CCSER2: variants seen among roughly 807,000 people sequenced by gnomAD.
CCSER2 encodes the protein serine-rich coiled-coil domain-containing protein 2.
CCSER2 carries 46 observed loss-of-function variants against 92.3 expected under a neutral mutation model. The observed-to-expected ratio is 0.50, with a 90% confidence interval of 0.39 to 0.64. The LOEUF (loss-of-function observed/expected upper bound fraction) is 0.64. Among genes scored for constraint, CCSER2 ranks in the 30% least tolerant of loss-of-function variants. The pLI, the probability that CCSER2 is intolerant of heterozygous loss-of-function variation, is 0.00. For synonymous variants in CCSER2, 433 were observed against 431.4 expected (o/e 1.00, Z -0.04); for missense variants, 1,244 against 1,238.9 (o/e 1.00, Z -0.06).
chr10:84,422,319 G>A (rs1406967972), intron 4 of CCSER2, among the ~76,000 whole-genome samples: 1 of 152,200 alleles, frequency 6.6e-6, no homozygotes, highest in Admixed American at 6.5e-5. Flanking sequence ...GACCCTGAGT[G>A]TAAGCTAACA....
At chr10:84,484,149 A>AT (rs1246015874) in intron 9 of CCSER2, among the ~76,000 whole-genome samples, 6 of 149,616 alleles carry the variant, frequency 4.0e-5, no homozygotes, top group South Asian at 4.2e-4. Flanking sequence ...AATTTTTTGT[A>AT]TTTTTTTTAG....
At chr10:84,480,752 A>G (rs1013889572) in intron 9 of CCSER2, among the ~76,000 whole-genome samples, 1 of 152,186 alleles carries the variant, frequency 6.6e-6, no homozygotes, top group African/African-American at 2.4e-5. Flanking sequence ...AACATTTTAT[A>G]TATGGTCTTC....
At chr10:84,330,398 G>C (rs147723842) in intron 1 of CCSER2, among the ~76,000 whole-genome samples, 28 of 152,254 alleles carry the variant, frequency 1.8e-4, no homozygotes, top group Middle Eastern at 3.4e-3. Context: ...CACTTCTGAG[G>C]CTTGTCTAGA....
At chr10:84,429,836 G>A (rs1370171084) in intron 5 of CCSER2, among the ~76,000 whole-genome samples, 1 of 150,476 alleles carries the variant, frequency 6.6e-6, no homozygotes, top group Non-Finnish European at 1.5e-5. Flanking sequence ...CTACGGGAAT[G>A]TATGAGCATC....
At position 84,330,587 on chromosome 10, in the gene CCSER2, AC is replaced by A. The variant is rs749978158; in HGVS notation, c.-40+1780del. Among the ~76,000 whole-genome samples, 107 of 152,252 alleles carry A rather than the reference AC, an allele frequency of 7.0e-4. 1 individual carries two copies. Among genetic ancestry groups the A allele is most frequent in the Non-Finnish European group, 1.3e-4 (9 of 68,020 alleles). On this transcript the variant is annotated intron_variant, in intron 1 of 9. Coordinates refer to ENST00000372088, the MANE Select transcript of CCSER2 (RefSeq NM_001284240.2). ...GAGTGCAATGGCCTCATCTCGGCTC[AC>A]TGCAACTTCTGCTTCCTGGGTTCAT... is the stretch of plus-strand genomic sequence containing the variant.
chr10:84,457,801 G>T (rs1044938309), intron 6 of CCSER2, among the ~76,000 whole-genome samples: 2 of 149,788 alleles, frequency 1.3e-5, no homozygotes, highest in Non-Finnish European at 3.0e-5. Context: ...GAGTGCAGTG[G>T]TGTGATCTAG....
Position 84,477,656 on chromosome 10 carries a change from C to T in CCSER2, c.2317C>T (p.Arg773Ter), listed in dbSNP as rs1180692376. The T allele has an allele frequency of 1.3e-6, 2 of 1,586,168 alleles. No individual in the cohort carries two copies. Among genetic ancestry groups the T allele is most frequent in the African/African-American group, 1.3e-5 (1 of 74,352 alleles). Reference sequence around the variant, plus strand: ...TAAATATACCCAAACACCCTGGAGACGAATTCCTGTAAGTAACATTTGCTC... The same window carrying T: ...TAAATATACCCAAACACCCTGGAGATGAATTCCTGTAAGTAACATTTGCTC... The part of the protein sequence containing the change: ...ADKYTQTPWR[R>*]IPPQVLQPSS... Residue 773 changes from arginine (R) to a stop codon, truncating the protein, a stop_gained, in exon 9 of 10, where the codon CGA (arginine) becomes TGA (stop). Coordinates refer to ENST00000372088, the MANE Select transcript of CCSER2 (RefSeq NM_001284240.2). LOFTEE classifies it high-confidence loss of function.
chr10:84,373,940 A>G, intron 3 of CCSER2, 125 bp downstream of exon 3: 1 of 1,500,816 alleles, frequency 6.7e-7, no homozygotes, highest in Non-Finnish European at 8.9e-7. Context: ...GGAAATTCAT[A>G]TTTGTTAAGA....
intron 3 of CCSER2, among the ~76,000 whole-genome samples, chr10:84,385,786 A>C (rs1314841531): frequency 1.3e-5 from 2 of 152,320 alleles, no homozygotes; most frequent in African/African-American, 4.8e-5. Context: ...CAGAAGAAAC[A>C]ACAGAGTAAA....
chr10:84,409,693 G>C (rs1842551431), intron 3 of CCSER2, among the ~76,000 whole-genome samples: 1 of 151,866 alleles, frequency 6.6e-6, no homozygotes, highest in African/African-American at 2.4e-5. Flanking sequence ...TATGTTTGTT[G>C]TCTTGATTTT....
intron 9 of CCSER2, among the ~76,000 whole-genome samples, chr10:84,482,261 C>G (rs571068248): frequency 9.8e-4 from 149 of 152,190 alleles, no homozygotes; most frequent in Admixed American, 3.0e-3. Flanking sequence ...TTTTTCTTAT[C>G]TGAGGGGCAA....
chr10:84,449,854 A>AAAAC (rs923142908), intron 6 of CCSER2, among the ~76,000 whole-genome samples: 2 of 152,218 alleles, frequency 1.3e-5, no homozygotes, highest in African/African-American at 2.4e-5. Flanking sequence ...TCTCAAAAAC[A>AAAAC]AAACAAACAA....
intron 6 of CCSER2, among the ~76,000 whole-genome samples, chr10:84,450,077 A>C (rs1293100412): frequency 1.3e-5 from 2 of 152,242 alleles, no homozygotes. Flanking sequence ...TTAATTGCTC[A>C]CAATTTTATG....
At chr10:84,390,481 T>C (rs1841459493) in intron 3 of CCSER2, among the ~76,000 whole-genome samples, 1 of 152,188 alleles carries the variant, frequency 6.6e-6, no homozygotes. Context: ...CTGTAGGCAA[T>C]TGTAACAATA....
At chr10:84,349,240 G>T (rs779517666) in intron 1 of CCSER2, among the ~76,000 whole-genome samples, 1 of 152,122 alleles carries the variant, frequency 6.6e-6, no homozygotes, top group Non-Finnish European at 1.5e-5. Flanking sequence ...AAACCTTCCT[G>T]TCGCAGAAAA....
chr10:84,499,773 T>C (rs1589822602), intron 9 of CCSER2: 1 of 1,103,586 alleles, frequency 9.1e-7, no homozygotes, highest in Non-Finnish European at 1.3e-6. Flanking sequence ...GTTAACACTA[T>C]TGCTCTGTGT....
intron 7 of CCSER2, 72 bp downstream of exon 7, chr10:84,464,088 G>T: frequency 1.3e-6 from 1 of 761,198 alleles, no homozygotes; most frequent in Non-Finnish European, 2.2e-6. Flanking sequence ...CAATGACAAT[G>T]AAAACAATAA....
chr10:84,349,006 A>G (rs577878819), intron 1 of CCSER2, among the ~76,000 whole-genome samples: 8 of 152,188 alleles, frequency 5.3e-5, no homozygotes, highest in Non-Finnish European at 8.8e-5. Flanking sequence ...GGACTTCACT[A>G]AATTTAACAT....
rs984776187 is a variant in CCSER2, at chr10:84,363,775, G to A, written c.-39-7239G>A. The stretch of plus-strand genomic sequence containing the variant: ...CCATTCAGTCCCTTCCTTCATTCTT[G>A]TCCCTTGTTGTTAGTAGGCTTCTCA... On this transcript the variant is annotated intron_variant, in intron 1 of 9. Coordinates refer to ENST00000372088, the MANE Select transcript of CCSER2 (RefSeq NM_001284240.2). 3.9e-5 allele frequency among the ~76,000 whole-genome samples: 6 copies of A among 152,166 alleles called. No homozygotes were observed. In the East Asian group the frequency reaches 1.2e-3, roughly 29 times the overall value.
Sources: allele counts gnomAD v4.1 joint callset (sites outside exome capture counted in the v4.1 genomes callset), GRCh38; gene constraint gnomAD v4.1.1; transcripts MANE v1.5; gene names NCBI Gene and HGNC (gene_info 2026-07-23, HGNC 2026-07-21).